PCCA: variants seen among roughly 807,000 people sequenced by gnomAD.
The protein encoded by PCCA is propionyl-CoA carboxylase subunit alpha, also known as propionyl-CoA carboxylase alpha chain, mitochondrial.
A neutral mutation model predicts 101.3 loss-of-function variants in PCCA; 74 were observed. That is an observed-to-expected ratio of 0.73 (90% CI 0.61 to 0.89). The LOEUF (loss-of-function observed/expected upper bound fraction) is 0.89, where lower values mean the gene tolerates loss of function less well. Among genes scored for constraint, PCCA ranks in the 40% least tolerant of loss-of-function variants. The pLI, the probability that PCCA is intolerant of heterozygous loss-of-function variation, is 0.00. For missense variants in PCCA, 891 were observed against 907.0 expected (o/e 0.98, Z 0.23); for synonymous variants, 294 against 313.6 (o/e 0.94, Z 0.66).
chr13:100,225,052 A>G (rs1050788830), intron 7 of PCCA, among the ~76,000 whole-genome samples: 1 of 152,242 alleles, frequency 6.6e-6, no homozygotes, highest in Non-Finnish European at 1.5e-5. Context: ...TTGTGGCATT[A>G]GAAAACTCAT....
At chr13:100,128,345 T>A (rs917446384) in intron 4 of PCCA, among the ~76,000 whole-genome samples, 1 of 152,170 alleles carries the variant, frequency 6.6e-6, no homozygotes, top group Non-Finnish European at 1.5e-5. Context: ...TAGTGCCTGT[T>A]GGAGGCTGGG....
chr13:100,152,210 C>G (rs918074163), intron 4 of PCCA, among the ~76,000 whole-genome samples: 1 of 152,086 alleles, frequency 6.6e-6, no homozygotes, highest in African/African-American at 2.4e-5. Flanking sequence ...TACCCTGCCC[C>G]CTGAAGTAAG....
chr13:100,383,857 G>T (rs183662275), intron 19 of PCCA, among the ~76,000 whole-genome samples: 50 of 152,190 alleles, frequency 3.3e-4, no homozygotes, highest in East Asian at 2.7e-3. Flanking sequence ...ACTACATATG[G>T]ATGCATAATA....
At chr13:100,322,987 A>G (rs1168311614) in intron 16 of PCCA, among the ~76,000 whole-genome samples, 1 of 152,178 alleles carries the variant, frequency 6.6e-6, no homozygotes, top group Non-Finnish European at 1.5e-5. Flanking sequence ...TTTCCTTCCC[A>G]TGATATCTAA....
intron 7 of PCCA, among the ~76,000 whole-genome samples, chr13:100,219,991 G>A (rs897972289): frequency 1.3e-5 from 2 of 152,108 alleles, no homozygotes; most frequent in African/African-American, 4.8e-5. Flanking sequence ...ACAATGTGGT[G>A]CCTTCCCAGC....
At chr13:100,335,915 C>T (rs757740608) in intron 17 of PCCA, among the ~76,000 whole-genome samples, 26 of 152,148 alleles carry the variant, frequency 1.7e-4, no homozygotes, top group Non-Finnish European at 3.1e-4. Flanking sequence ...AGCCATAGCC[C>T]ACGAAGAGAG....
intron 16 of PCCA, among the ~76,000 whole-genome samples, chr13:100,325,900 C>T (rs887739488): frequency 2.6e-5 from 4 of 152,078 alleles, no homozygotes; most frequent in Non-Finnish European, 4.4e-5. Context: ...TGTTTAACAT[C>T]GAAGGTGTCG....
At chr13:100,499,040 A>G (rs1027976343) in intron 21 of PCCA, among the ~76,000 whole-genome samples, 1 of 152,184 alleles carries the variant, frequency 6.6e-6, no homozygotes, top group African/African-American at 2.4e-5. Flanking sequence ...ATTGATGTCA[A>G]TTCACGTTAT....
intron 17 of PCCA, among the ~76,000 whole-genome samples, chr13:100,331,289 G>A (rs1032980963): frequency 1.3e-5 from 2 of 152,158 alleles, no homozygotes; most frequent in Admixed American, 1.3e-4. Context: ...AAGATATTGA[G>A]AGATAAACAA....
intron 21 of PCCA, chr13:100,481,109 T>C (rs886199221): frequency 6.6e-6 from 1 of 152,328 alleles, no homozygotes; most frequent in East Asian, 1.9e-4. Context: ...GGATAGAAGA[T>C]TGATTCTTAC....
At chr13:100,097,310 C>T (rs1488240797) in intron 1 of PCCA, among the ~76,000 whole-genome samples, 2 of 152,054 alleles carry the variant, frequency 1.3e-5, no homozygotes, top group African/African-American at 2.4e-5. Context: ...TAAAAAATGT[C>T]CTGGAATCAG....
At chr13:100,241,874 T>C (rs2061159892) in intron 8 of PCCA, among the ~76,000 whole-genome samples, 1 of 152,212 alleles carries the variant, frequency 6.6e-6, no homozygotes, top group Non-Finnish European at 1.5e-5. Flanking sequence ...TGTATACCTG[T>C]TTTCAATTAT....
rs1270843257 is a variant in PCCA at position 100,235,349 on chromosome 13, C to T, written c.601-493C>T. Among the ~76,000 whole-genome samples the T allele has an allele frequency of 3.4e-5, 5 of 148,804 alleles. No individual in the cohort carries two copies. The East Asian group carries it at 9.8e-4, about 29-fold the overall frequency. On this transcript the variant is annotated intron_variant, in intron 7 of 23. Transcript: ENST00000376285. ...AGATTACCAAAAGGATTTTTTGGAA[C>T]AATTCGTAATTCCTGTAGGTACTGG...
chr13:100,434,870 C>T (rs1201359985), intron 20 of PCCA, among the ~76,000 whole-genome samples: 1 of 152,206 alleles, frequency 6.6e-6, no homozygotes, highest in African/African-American at 2.4e-5. Flanking sequence ...AAATTCTAAG[C>T]TTAAGAATTC....
At chr13:100,354,848 C>T (rs1211892003) in intron 18 of PCCA, among the ~76,000 whole-genome samples, 2 of 152,108 alleles carry the variant, frequency 1.3e-5, no homozygotes, top group Non-Finnish European at 2.9e-5. Flanking sequence ...TGGAACTAAT[C>T]GTTGCAAAAC....
chr13:100,351,025 T>A (rs1383875858), intron 18 of PCCA, among the ~76,000 whole-genome samples: 3 of 152,214 alleles, frequency 2.0e-5, no homozygotes, highest in African/African-American at 7.2e-5. Context: ...CAAGTTTTTA[T>A]TTCACATGCT....
intron 1 of PCCA, among the ~76,000 whole-genome samples, chr13:100,099,668 T>A (rs972194158): frequency 3.3e-5 from 5 of 151,840 alleles, no homozygotes; most frequent in African/African-American, 9.7e-5. Context: ...GCAAACAGGA[T>A]TTGTTTCCCT....
chr13:100,268,575 A>G (rs755598645), intron 10 of PCCA, 114 bp from the exon 11 acceptor site: 6 of 786,910 alleles, frequency 7.6e-6, no homozygotes, highest in South Asian at 2.8e-5. Context: ...AGGTATGTAT[A>G]TACTATGAAG....
chr13:100,220,477 G>C (rs1310778336), intron 7 of PCCA, among the ~76,000 whole-genome samples: 2 of 140,378 alleles, frequency 1.4e-5, no homozygotes, highest in East Asian at 4.2e-4. Flanking sequence ...GTTTCACCAT[G>C]TTGGCCGGGT....
Sources: gnomAD v4.1 joint callset for allele counts (sites outside exome capture counted in the v4.1 genomes callset) on GRCh38, gnomAD v4.1.1 for gene constraint, MANE v1.5 for transcripts, NCBI Gene and HGNC (gene_info 2026-07-23, HGNC 2026-07-21) for gene names.